The following ARAP2 variants were observed in gnomAD, a reference collection of about 807,000 sequenced individuals.
ARAP2 encodes the protein arf-GAP with Rho-GAP domain, ANK repeat and PH domain-containing protein 2.
In ARAP2, 148 loss-of-function variants were observed where a neutral mutation model predicts 194.5. The observed-to-expected ratio is 0.76, with a 90% CI of 0.67 to 0.87. ARAP2 has a LOEUF of 0.87. Among genes scored for constraint, ARAP2 ranks in the 40% least tolerant of loss-of-function variants. The probability of loss-of-function intolerance (pLI) is 0.00; values close to 1 mark genes in which losing one functional copy is unlikely to be tolerated. For synonymous variants in ARAP2, 695 were observed against 683.5 expected (o/e 1.02, Z -0.26); for missense variants, 2,128 against 1,989.7 (o/e 1.07, Z -1.32).
intron 5 of ARAP2, among the ~76,000 whole-genome samples, chr4:36,029,981 G>A (rs1021830240): frequency 7.9e-5 from 12 of 151,690 alleles, no homozygotes; most frequent in Admixed American, 5.2e-4. Flanking sequence ...TTCCACCCTT[G>A]TCTCCATTAT....
intron 2 of ARAP2, among the ~76,000 whole-genome samples, chr4:36,055,891 T>C (rs1250282718): frequency 6.6e-6 from 1 of 152,184 alleles, no homozygotes; most frequent in East Asian, 1.9e-4. Flanking sequence ...TAAGGTAATT[T>C]CACACTTTTA....
At chr4:36,074,685 GA>G (rs1269083680) in intron 31 of ARAP2, among the ~76,000 whole-genome samples, 1 of 152,064 alleles carries the variant, frequency 6.6e-6, no homozygotes, top group African/African-American at 2.4e-5. Flanking sequence ...GTAATGAAAT[GA>G]AAACCATTTA....
At chr4:36,065,190 C>A (rs780247800), downstream of ARAP2, 41 of 353,008 alleles carry the variant, frequency 1.2e-4, no homozygotes, top group Non-Finnish European at 2.1e-4. Flanking sequence ...ATGTCAAACT[C>A]CACAAACTTG....
At chr4:36,150,281 AGT>A (rs1466255625) in intron 16 of ARAP2, among the ~76,000 whole-genome samples, 4 of 152,198 alleles carry the variant, frequency 2.6e-5, no homozygotes, top group African/African-American at 9.7e-5. Flanking sequence ...TTTTACCACT[AGT>A]CCACTATTTT....
chr4:36,033,339 C>G (rs1719318558), intron 5 of ARAP2, among the ~76,000 whole-genome samples: 1 of 152,060 alleles, frequency 6.6e-6, no homozygotes, highest in South Asian at 2.1e-4. Flanking sequence ...TACTAATAGC[C>G]ATTCTGACTG....
chr4:36,018,223 C>T (rs545374022), intron 6 of ARAP2, among the ~76,000 whole-genome samples: 24 of 152,092 alleles, frequency 1.6e-4, no homozygotes, highest in Non-Finnish European at 3.4e-4. Flanking sequence ...TATTGGGGAG[C>T]ACCATGACTG....
chr4:36,172,853 G>A (rs547079511), intron 9 of ARAP2, among the ~76,000 whole-genome samples: 6 of 152,112 alleles, frequency 3.9e-5, no homozygotes, highest in Non-Finnish European at 8.8e-5. Flanking sequence ...TGCAGAGTTG[G>A]GCCAGATACA....
intron 19 of ARAP2, among the ~76,000 whole-genome samples, chr4:36,144,519 A>G (rs746338523): frequency 2.0e-5 from 3 of 151,878 alleles, no homozygotes; most frequent in Non-Finnish European, 4.4e-5. Flanking sequence ...ATCATTAACC[A>G]TAATAATCTA....
rs77124688 is a variant in ARAP2 at position 36,024,248 on chromosome 4, T to C, written n.608-4962A>G. ...AAAAGTTGATCAAGTCACAACGATT[T>C]ATGAATATATATGTTTATTCAAAAT... On this transcript the variant is annotated intron_variant and non_coding_transcript_variant, in intron 5 of 12. Coordinates refer to the ARAP2 transcript ENST00000503225. Among the ~76,000 whole-genome samples, 812 of 152,288 alleles carry C rather than the reference T, an allele frequency of 5.3e-3. 3 individuals carry two copies. Among genetic ancestry groups the C allele is most frequent in the African/African-American group, 0.019 (771 of 41,570 alleles).
At chr4:36,167,134 TTC>T in intron 9 of ARAP2, 87 bp from the exon 10 acceptor site, 1 of 806,478 alleles carries the variant, frequency 1.2e-6, no homozygotes, top group South Asian at 2.0e-5. Context: ...TTCCAATAAA[TTC>T]TACCAAATTT....
intron 11 of ARAP2, among the ~76,000 whole-genome samples, chr4:36,162,005 G>A (rs1032544848): frequency 6.6e-6 from 1 of 151,742 alleles, no homozygotes; most frequent in Non-Finnish European, 1.5e-5. Context: ...CTACTCGGGA[G>A]GCTGAGGCAG....
intron 15 of ARAP2, among the ~76,000 whole-genome samples, chr4:36,153,227 A>G (rs961046855): frequency 1.3e-5 from 2 of 152,186 alleles, no homozygotes; most frequent in Admixed American, 1.3e-4. Context: ...AGGCAGGTGC[A>G]CGTATTGTCT....
intron 18 of ARAP2, 79 bp downstream of exon 18, chr4:36,147,469 A>G: frequency 6.4e-7 from 1 of 1,561,120 alleles, no homozygotes; most frequent in East Asian, 2.2e-5. Context: ...GTAAGCCATC[A>G]AGATCTTACT....
chr4:36,090,091 T>C (rs1043084405), intron 28 of ARAP2, among the ~76,000 whole-genome samples: 6 of 152,044 alleles, frequency 3.9e-5, no homozygotes, highest in Non-Finnish European at 5.9e-5. Flanking sequence ...ACTGACCCCA[T>C]AGAAATATAA....
chr4:36,210,307 A>C lies in ARAP2; in HGVS notation c.1487+83T>G, dbSNP rs1746468319. 4 of 1,295,858 alleles carry C rather than the reference A, an allele frequency of 3.1e-6. No homozygotes were observed. In the South Asian group the frequency reaches 6.2e-5, roughly 20 times the overall value. The allele number at this position is 1,295,858 out of a possible 1,614,324, so 80.3% of individuals were successfully genotyped here. ...GTGTGTGTGGCGGTGGAGTGGGGGAACAGCAACCCTGGAGGTTTAGAAATG... is the reference window on the plus strand; with the variant it reads ...GTGTGTGTGGCGGTGGAGTGGGGGACCAGCAACCCTGGAGGTTTAGAAATG... On this transcript the variant is annotated intron_variant, in intron 6 of 32. Transcript: ENST00000303965.
intron 2 of ARAP2, among the ~76,000 whole-genome samples, chr4:36,215,462 A>G (rs927776828): frequency 2.0e-5 from 3 of 152,226 alleles, no homozygotes; most frequent in African/African-American, 7.2e-5. Flanking sequence ...TGGGACCCAA[A>G]TGTTTAATGC....
At chr4:36,102,056 T>C (rs1257868182) in intron 27 of ARAP2, among the ~76,000 whole-genome samples, 1 of 152,084 alleles carries the variant, frequency 6.6e-6, no homozygotes, top group African/African-American at 2.4e-5. Context: ...TTTAAATGCT[T>C]GTGTTGTATC....
rs929032311 is a variant in ARAP2, at chr4:36,120,693, T to C, written c.3894+486A>G. ...ACATGAAAATATTAACTTTATAAAA[T>C]GGAAATTTAAAAAGTCAATTAAAAC... is the stretch of plus-strand genomic sequence containing the variant. On this transcript the variant is annotated intron_variant, in intron 23 of 32. Coordinates refer to ENST00000303965, the MANE Select transcript of ARAP2 (RefSeq NM_015230.4). 2.0e-5 allele frequency among the ~76,000 whole-genome samples: 3 copies of C among 151,644 alleles called. No homozygotes were observed. The Admixed American group carries it at 2.0e-4, about 10-fold the overall frequency.
intron 28 of ARAP2, among the ~76,000 whole-genome samples, chr4:36,086,334 T>C (rs1409252893): frequency 6.6e-6 from 1 of 152,108 alleles, no homozygotes; most frequent in African/African-American, 2.4e-5. Context: ...AATAAGTAGA[T>C]TGAGAGTCTG....
Sources: allele counts gnomAD v4.1 joint callset (sites outside exome capture counted in the v4.1 genomes callset), GRCh38; gene constraint gnomAD v4.1.1; transcripts MANE v1.5; gene names NCBI Gene and HGNC (gene_info 2026-07-23, HGNC 2026-07-21).